Variants in GOLGA2 observed in about 807,000 individuals in gnomAD.
GOLGA2 encodes golgin A2.
In GOLGA2, 49 loss-of-function variants were observed where a neutral mutation model predicts 148.8. The ratio of observed to expected loss-of-function variants is 0.33; its 90% CI spans 0.26 to 0.42. The LOEUF (loss-of-function observed/expected upper bound fraction) is 0.42, where lower values mean the gene tolerates loss of function less well. Ranked by LOEUF, GOLGA2 falls within the 10% of genes least tolerant of loss-of-function variation. The pLI, the probability that GOLGA2 is intolerant of heterozygous loss-of-function variation, is 1.00. For missense variants in GOLGA2, 1,178 were observed against 1,304.6 expected, an observed-to-expected ratio of 0.90 and a Z score of 1.49; for synonymous variants, 501 against 511.8, an observed-to-expected ratio of 0.98 and a Z score of 0.28.
rs935674805 is a variant in GOLGA2 at position 128,263,486 on chromosome 9, C to T, written c.934-394G>A. Among the ~76,000 whole-genome samples the T allele has an allele frequency of 2.0e-5, 3 of 152,152 alleles. No homozygotes were observed. The East Asian group carries it at 5.8e-4, about 30-fold the overall frequency. ...AGGCTGGAGTGCAGTGGCGCAATTTCGGCTCACTGCAAGCTCCGCCTCCCG... is the reference window on the plus strand; with the variant it reads ...AGGCTGGAGTGCAGTGGCGCAATTTTGGCTCACTGCAAGCTCCGCCTCCCG... On this transcript the variant is annotated intron_variant, in intron 12 of 26. Transcript: ENST00000611957.
chr9:128,268,213 C>A (rs913874971), intron 4 of GOLGA2, 53 bp from the exon 5 acceptor site: 1 of 1,495,724 alleles, frequency 6.7e-7, no homozygotes, highest in Non-Finnish European at 9.3e-7. Context: ...TAAGAATCAC[C>A]CAGGATGGGG....
In GOLGA2 at chr9:128,266,699, C is replaced by G; in HGVS notation, c.643-374G>C. On this transcript the variant is annotated intron_variant, in intron 8 of 26. Transcript: ENST00000611957. The surrounding 1 kb of genome is among the most constrained non-coding windows in gnomAD (Gnocchi z 4.2). ...GGTACGGTTCTTAATAGCAGGGATACCAGACAGAAAAAGACAGACAGGAGC... is the reference window on the plus strand; with the variant it reads ...GGTACGGTTCTTAATAGCAGGGATAGCAGACAGAAAAAGACAGACAGGAGC... 1 of 379,882 alleles carries G rather than the reference C, an allele frequency of 2.6e-6. No homozygotes were observed. 23.5% of individuals were successfully genotyped at this position (379,882 alleles called of 1,614,324 possible). A position where few individuals can be genotyped will look rare whatever the true frequency, so the allele number is the denominator to read the frequency against.
Position 128,265,775 on chromosome 9 carries a change from C to A in GOLGA2, c.826+13G>T. 6.2e-6 allele frequency: 10 copies of A among 1,612,288 alleles called. No homozygotes were observed. The highest frequency in any genetic ancestry group is 8.5e-6 in the Non-Finnish European group (10 of 1,178,326). On this transcript the variant is annotated intron_variant, in intron 11 of 26. Transcript: ENST00000611957. Reference sequence around the variant, plus strand: ...TGCCAGGTTGAAGGATGATGGGGTGCCCAGATTCCCACCTTCTTTCTGCCT... The same window carrying A: ...TGCCAGGTTGAAGGATGATGGGGTGACCAGATTCCCACCTTCTTTCTGCCT...
rs1406135606 is a variant in GOLGA2 at position 128,255,885 on chromosome 9, C to A, written c.*1182G>T. The stretch of plus-strand genomic sequence containing the variant: ...AGCAAAATAAACAGGAGTCGCATCA[C>A]CAGGGCGCCACGACCCCATCCCCGC... On this transcript the variant is annotated 3_prime_UTR_variant, in exon 27 of 27. Coordinates refer to ENST00000611957, the MANE Select transcript of GOLGA2 (RefSeq NM_001366244.2). The A allele has an allele frequency of 1.3e-5, 2 of 152,604 alleles. No individual in the cohort carries two copies. The highest frequency in any genetic ancestry group is 2.9e-5 in the Non-Finnish European group (2 of 68,046). 9.5% of individuals were successfully genotyped at this position (152,604 alleles called of 1,614,324 possible). A position where few individuals can be genotyped will look rare whatever the true frequency, so the allele number is the denominator to read the frequency against.
chr9:128,266,026 G>A lies in GOLGA2; in HGVS notation c.682-6C>T. The A allele has an allele frequency of 1.9e-6, 3 of 1,611,456 alleles. No individual in the cohort carries two copies. Among genetic ancestry groups the A allele is most frequent in the South Asian group, 2.2e-5 (2 of 91,028 alleles). On this transcript the variant is annotated splice_polypyrimidine_tract_variant and splice_region_variant and intron_variant, in intron 9 of 26. Transcript: ENST00000611957. The surrounding 1 kb of genome is among the most constrained non-coding windows in gnomAD (Gnocchi z 4.2). ...TGGTGGCATTCTTTCTTTTCCTATA[G>A]GAAGAGGAAGACAGAGCTCTTACGA...
At position 128,275,920 on chromosome 9, in the gene GOLGA2, C is replaced by T; in HGVS notation, c.57G>A (p.Gln19=). ...PRPAMSEETR[Q]SKLAAAKKKL... Reference sequence around the variant, plus strand: ...TTTTCTTCGCTGCGGCCAATTTGCTCTGTCGGGTTTCTTCCGACATCGCGG... The same window carrying T: ...TTTTCTTCGCTGCGGCCAATTTGCTTTGTCGGGTTTCTTCCGACATCGCGG... The change falls in exon 1 of 27, where the codon CAG becomes CAA. Residue 19 remains glutamine, a synonymous_variant. Transcript: ENST00000611957. The T allele has an allele frequency of 6.3e-7, 1 of 1,590,474 alleles. No homozygotes were observed. Among genetic ancestry groups the T allele is most frequent in the South Asian group, 1.1e-5 (1 of 89,546 alleles).
chr9:128,256,015 C>G lies in GOLGA2; in HGVS notation c.*1052G>C, dbSNP rs1006792985. ...GCTCCAACCTCTGCTAGGTATGATACAGGGGGCGGCCCTACCCCTGGAATA... is the reference window on the plus strand; with the variant it reads ...GCTCCAACCTCTGCTAGGTATGATAGAGGGGGCGGCCCTACCCCTGGAATA... On this transcript the variant is annotated 3_prime_UTR_variant, in exon 27 of 27. Coordinates refer to ENST00000611957, the MANE Select transcript of GOLGA2 (RefSeq NM_001366244.2). The G allele has an allele frequency of 1.3e-5, 2 of 152,662 alleles. No homozygotes were observed. Among genetic ancestry groups the G allele is most frequent in the African/African-American group, 4.8e-5 (2 of 41,426 alleles). The allele number at this position is 152,662 out of a possible 1,614,324, so 9.5% of individuals were successfully genotyped here. A position where few individuals can be genotyped will look rare whatever the true frequency, so the allele number is the denominator to read the frequency against.
chr9:128,275,865 C>T (rs755320752), intron 1 of GOLGA2, 28 bp downstream of exon 1: 3 of 1,257,446 alleles, frequency 2.4e-6, no homozygotes, highest in Admixed American at 2.1e-5. Flanking sequence ...GGGGCTGGGT[C>T]GGGGGGCCGC....
At position 128,257,402 on chromosome 9, in the gene GOLGA2, G is replaced by A. The variant is rs372742992; in HGVS notation, c.2842C>T (p.Pro948Ser). Residue 948 changes from proline (P) to serine (S), a missense_variant, in exon 26 of 27, where the codon CCC becomes TCC. Physicochemically the swap from Pro to Ser is moderately conservative, Grantham distance 74. Around this residue, in one of 5 missense-constraint regions of GOLGA2, gnomAD observed 149 missense variants for 154.9 expected, o/e 0.96. Coordinates refer to ENST00000611957, the MANE Select transcript of GOLGA2 (RefSeq NM_001366244.2). This position sits in a 1 kb window ranked among gnomAD's most constrained non-coding sequence, Gnocchi z 8.0. ...TGGTTGGCAGCCCCAAGTTCCTGGG[G>A]GGCTGGGGCCCCTGAAGTGGGCTCA... ...ADEPTSGAPA[P>S]QELGAANQQG... is the part of the protein sequence containing the mutation. 1.1e-5 allele frequency: 18 copies of A among 1,612,958 alleles called. No individual in the cohort carries two copies. The African/African-American group carries it at 2.3e-4, about 20-fold the overall frequency.
At position 128,271,856 on chromosome 9, in the gene GOLGA2, T is replaced by G. The variant is rs1415103205; in HGVS notation, c.288+929A>C. 6.6e-6 allele frequency among the ~76,000 whole-genome samples: 1 copy of G among 152,192 alleles called. No individual in the cohort carries two copies. Among genetic ancestry groups the G allele is most frequent in the Non-Finnish European group, 1.5e-5 (1 of 68,028 alleles). On this transcript the variant is annotated intron_variant, in intron 3 of 26. Transcript: ENST00000611957. This position sits in a 1 kb window ranked among gnomAD's most constrained non-coding sequence, Gnocchi z 4.4. Reference sequence around the variant, plus strand: ...CCTTTGTTGTCAAGAGCCCAATGAATATGGCTAAATGTCCATTTGGAGAGA... The same window carrying G: ...CCTTTGTTGTCAAGAGCCCAATGAAGATGGCTAAATGTCCATTTGGAGAGA...
At chr9:128,275,787 G>A in intron 1 of GOLGA2, 106 bp downstream of exon 1, 3 of 646,864 alleles carry the variant, frequency 4.6e-6, no homozygotes, top group Admixed American at 7.1e-5. Flanking sequence ...GCGCCGTGGG[G>A]AGCCCAGCCC....
chr9:128,265,738 G>A lies in GOLGA2; in HGVS notation c.827-47C>T, dbSNP rs745548074. On this transcript the variant is annotated intron_variant, in intron 11 of 26. Coordinates refer to ENST00000611957, the MANE Select transcript of GOLGA2 (RefSeq NM_001366244.2). ...TGGGGCCCAAAGGACTCCCCCTAAA[G>A]GCCTGTCAAAGTGCCAGGTTGAAGG... 8.7e-6 allele frequency: 14 copies of A among 1,609,972 alleles called. No homozygotes were observed. The Admixed American group carries it at 2.2e-4, about 25-fold the overall frequency.
intron 10 of GOLGA2, 35 bp downstream of exon 10, chr9:128,265,935 A>G (rs1392987507): frequency 4.4e-6 from 7 of 1,607,706 alleles, no homozygotes; most frequent in Non-Finnish European, 6.0e-6. Context: ...AACATTCTCC[A>G]GAGGACAGGA....
intron 12 of GOLGA2, among the ~76,000 whole-genome samples, chr9:128,263,599 T>C (rs1323330480): frequency 1.3e-5 from 2 of 152,046 alleles, no homozygotes; most frequent in African/African-American, 4.8e-5. Context: ...TTTGTATTTT[T>C]AGTAGAGACG....
chr9:128,267,533 G>A lies in GOLGA2; in HGVS notation c.502-16C>T. The A allele has an allele frequency of 6.3e-7, 1 of 1,598,378 alleles. No homozygotes were observed. Among genetic ancestry groups the A allele is most frequent in the Non-Finnish European group, 8.6e-7 (1 of 1,165,660 alleles). ...ATGTCGCAGACTATAAGAGACGAGA[G>A]TGCACATGGAGATGTTCTGTCCCCT... On this transcript the variant is annotated splice_polypyrimidine_tract_variant and intron_variant, in intron 6 of 26. Transcript: ENST00000611957.
At position 128,260,253 on chromosome 9, in the gene GOLGA2, T is replaced by C; in HGVS notation, c.1759-64A>G. The C allele has an allele frequency of 1.5e-6, 2 of 1,343,686 alleles. No individual in the cohort carries two copies. The highest frequency in any genetic ancestry group is 2.1e-6 in the Non-Finnish European group (2 of 945,582). The allele number at this position is 1,343,686 out of a possible 1,614,324, so 83.2% of individuals were successfully genotyped here. Reference sequence around the variant, plus strand: ...CTGGAGACCCCAGAACTTGCTGCCTTGGTGTCTGCCTCCCATGGCACCGGG... The same window carrying C: ...CTGGAGACCCCAGAACTTGCTGCCTCGGTGTCTGCCTCCCATGGCACCGGG... On this transcript the variant is annotated intron_variant, in intron 18 of 26. Transcript: ENST00000611957. The surrounding 1 kb of genome is among the most constrained non-coding windows in gnomAD (Gnocchi z 4.8).
At position 128,257,632 on chromosome 9, in the gene GOLGA2, C is replaced by T; in HGVS notation, c.2687G>A (p.Ser896Asn). 2 of 1,614,172 alleles carry T rather than the reference C, an allele frequency of 1.2e-6. No homozygotes were observed. Among genetic ancestry groups the T allele is most frequent in the Non-Finnish European group, 1.7e-6 (2 of 1,180,022 alleles). The change falls in exon 25 of 27, where the codon AGC becomes AAC. Residue 896 changes from serine to asparagine, a missense_variant. Ser to Asn is a conservative substitution (Grantham distance 46). Transcript: ENST00000611957. This position sits in a 1 kb window ranked among gnomAD's most constrained non-coding sequence, Gnocchi z 8.0. ...ERHREKEEYI[S>N]RLAQDKEEMK... is the part of the protein sequence containing the mutation. ...CTCCTCCTTGTCTTGGGCCAGCCTG[C>T]TGATGTACTCCTCCTTCTCCCGGTG... is the stretch of plus-strand genomic sequence containing the variant.
chr9:128,262,753 C>T (rs772481451), intron 13 of GOLGA2, 49 bp from the exon 14 acceptor site: 2 of 1,568,422 alleles, frequency 1.3e-6, no homozygotes, highest in Non-Finnish European at 1.7e-6. Flanking sequence ...ACAGAAAGGA[C>T]TGCTTTGGTG....
Position 128,271,579 on chromosome 9 carries a change from C to G in GOLGA2, c.288+1206G>C, listed in dbSNP as rs1830948751. On this transcript the variant is annotated intron_variant, in intron 3 of 26. Coordinates refer to ENST00000611957, the MANE Select transcript of GOLGA2 (RefSeq NM_001366244.2). The surrounding 1 kb of genome is among the most constrained non-coding windows in gnomAD (Gnocchi z 4.4). ...GAAAGGTGCTCTGTGAGTTCACACT[C>G]TGGCCACGGCCTCACCGCTCCCCCT... Among the ~76,000 whole-genome samples, 2 of 152,184 alleles carry G rather than the reference C, an allele frequency of 1.3e-5. No homozygotes were observed. Among genetic ancestry groups the G allele is most frequent in the Non-Finnish European group, 2.9e-5 (2 of 68,034 alleles).
Sources: allele counts gnomAD v4.1 joint callset (sites outside exome capture counted in the v4.1 genomes callset), GRCh38; gene constraint gnomAD v4.1.1; regional missense constraint gnomAD v4.1.1; non-coding constraint Gnocchi (gnomAD v3.1); transcripts MANE v1.5; gene names NCBI Gene and HGNC (gene_info 2026-07-23, HGNC 2026-07-21).